NOL10: variants seen among roughly 807,000 people sequenced by gnomAD.
NOL10 encodes H_NH0074G24.1.
A neutral mutation model predicts 103.5 loss-of-function variants in NOL10; 58 were observed. That is an observed-to-expected ratio of 0.56 (90% CI 0.45 to 0.70). The LOEUF is 0.70. Ranked by LOEUF, NOL10 falls within the 30% of genes least tolerant of loss-of-function variation. The probability of loss-of-function intolerance (pLI) is 0.00; values close to 1 mark genes in which losing one functional copy is unlikely to be tolerated. For missense variants in NOL10, 763 were observed against 807.3 expected, an observed-to-expected ratio of 0.95 and a Z score of 0.67; for synonymous variants, 287 against 282.5, an observed-to-expected ratio of 1.02 and a Z score of -0.16.
At chr2:10,581,616 C>T (rs1558266440) in intron 19 of NOL10, among the ~76,000 whole-genome samples, 1 of 152,114 alleles carries the variant, frequency 6.6e-6, no homozygotes, top group Non-Finnish European at 1.5e-5. Context: ...GTTGTGAGGC[C>T]AGAAGTTCAA....
At chr2:10,637,436 C>G (rs1042351574) in intron 13 of NOL10, among the ~76,000 whole-genome samples, 1 of 152,154 alleles carries the variant, frequency 6.6e-6, no homozygotes, top group African/African-American at 2.4e-5. Context: ...TTCTGCAGCA[C>G]CTACTGCCTT....
At chr2:10,680,460 GAA>G (rs2148360883) in intron 3 of NOL10, among the ~76,000 whole-genome samples, 1 of 152,250 alleles carries the variant, frequency 6.6e-6, no homozygotes, top group African/African-American at 2.4e-5. Flanking sequence ...TTTCATAAAA[GAA>G]AGTGTCATTT....
chr2:10,689,513 A>C (rs761792466), intron 1 of NOL10, among the ~76,000 whole-genome samples: 1 of 152,186 alleles, frequency 6.6e-6, no homozygotes, highest in African/African-American at 2.4e-5. Flanking sequence ...AAGAGGCCCA[A>C]ATGGTTGCGT....
intron 12 of NOL10, among the ~76,000 whole-genome samples, chr2:10,647,284 A>G (rs1679152073): frequency 6.6e-6 from 1 of 152,204 alleles, no homozygotes; most frequent in Non-Finnish European, 1.5e-5. Flanking sequence ...TGCTCTGGGG[A>G]CTAAAGGACT....
chr2:10,689,912 C>T lies in NOL10; in HGVS notation c.-51G>A. 3 of 1,544,976 alleles carry T rather than the reference C, an allele frequency of 1.9e-6. No individual in the cohort carries two copies. The South Asian group carries it at 3.5e-5, about 18-fold the overall frequency. On this transcript the variant is annotated 5_prime_UTR_variant, in exon 1 of 21. Coordinates refer to ENST00000381685, the MANE Select transcript of NOL10 (RefSeq NM_024894.4). ...CCGGGTCCTTTCCCACCAGCGTGCTCGAGCACCGTAATCCCGGGACCTCCG... is the reference window on the plus strand; with the variant it reads ...CCGGGTCCTTTCCCACCAGCGTGCTTGAGCACCGTAATCCCGGGACCTCCG...
intron 13 of NOL10, among the ~76,000 whole-genome samples, chr2:10,637,213 A>C (rs1184544362): frequency 5.0e-5 from 7 of 138,764 alleles, no homozygotes; most frequent in African/African-American, 1.6e-4. Flanking sequence ...AAAAAAAAAA[A>C]CACACACACA....
chr2:10,667,337 G>C (rs1220203550), intron 7 of NOL10, 59 bp from the exon 8 acceptor site: 3 of 1,199,664 alleles, frequency 2.5e-6, no homozygotes, highest in Non-Finnish European at 3.6e-6. Flanking sequence ...TAGTGGGGAA[G>C]GAATATTAAA....
In NOL10 at chr2:10,651,228, G is replaced by C. The variant is rs534422180; in HGVS notation, c.973+3253C>G. On this transcript the variant is annotated intron_variant, in intron 12 of 20. Transcript: ENST00000381685. Reference sequence around the variant, plus strand: ...TGTCTCTTTGGGCTTCTATATCCTTGGTTACAATGGAAAAACTGAGGCAGC... The same window carrying C: ...TGTCTCTTTGGGCTTCTATATCCTTCGTTACAATGGAAAAACTGAGGCAGC... Among the ~76,000 whole-genome samples the C allele has an allele frequency of 1.8e-4, 28 of 152,136 alleles. No individual in the cohort carries two copies. In the South Asian group the frequency reaches 5.8e-3, roughly 32 times the overall value.
In NOL10 at chr2:10,638,335, A is replaced by C. The variant is rs9710879; in HGVS notation, c.1026+5985T>G. Among the ~76,000 whole-genome samples, 2 of 119,382 alleles carry C rather than the reference A, an allele frequency of 1.7e-5. 1 individual carries two copies. Among genetic ancestry groups the C allele is most frequent in the South Asian group, 5.0e-4 (2 of 4,000 alleles). The allele number at this position is 119,382 out of a possible 152,430, so 78.3% of individuals were successfully genotyped here. A position where few individuals can be genotyped will look rare whatever the true frequency, so the allele number is the denominator to read the frequency against. On this transcript the variant is annotated intron_variant, in intron 13 of 20. Coordinates refer to ENST00000381685, the MANE Select transcript of NOL10 (RefSeq NM_024894.4). ...GACGTGACGTGACGTGACGTGACGT[A>C]ACGTAACGTAACGTAACGTAACGTA... is the stretch of plus-strand genomic sequence containing the variant.
At position 10,663,746 on chromosome 2, in the gene NOL10, G is replaced by A. The variant is rs376689981; in HGVS notation, c.592-702C>T. 2.1e-3 allele frequency among the ~76,000 whole-genome samples: 322 copies of A among 151,964 alleles called. 2 individuals are homozygous for A. Among genetic ancestry groups the A allele is most frequent in the African/African-American group, 7.5e-3 (310 of 41,444 alleles). On this transcript the variant is annotated intron_variant, in intron 8 of 20. Transcript: ENST00000381685. ...GGGGAGATCACGAGGTCAGGAGATC[G>A]AGACCATCCTGGCTAACACAGTGAA... is the stretch of plus-strand genomic sequence containing the variant.
intron 9 of NOL10, 82 bp from the exon 10 acceptor site, chr2:10,659,332 C>G: frequency 2.7e-6 from 1 of 373,680 alleles, no homozygotes; most frequent in Admixed American, 4.2e-5. Context: ...GTCTTCACTT[C>G]AAATCTAATG....
intron 17 of NOL10, among the ~76,000 whole-genome samples, chr2:10,593,094 A>G (rs1181522947): frequency 1.3e-5 from 2 of 152,050 alleles, no homozygotes; most frequent in African/African-American, 4.8e-5. Flanking sequence ...ACATAGTAAC[A>G]TATATGAAGA....
At chr2:10,578,408 C>A (rs10175884) in intron 19 of NOL10, among the ~76,000 whole-genome samples, 2 of 152,118 alleles carry the variant, frequency 1.3e-5, no homozygotes, top group Non-Finnish European at 2.9e-5. Flanking sequence ...TCTCCAGGTA[C>A]CTTTCCTTTT....
intron 6 of NOL10, among the ~76,000 whole-genome samples, chr2:10,669,487 CACACACACATACACACACACATATAT>C (rs1447596646): frequency 8.0e-6 from 1 of 125,044 alleles, no homozygotes; most frequent in Non-Finnish European, 1.6e-5. Flanking sequence ...TATATACACA[CACACACACATACACACACACATATAT>C]ACACACACAC....
chr2:10,572,005 C>T lies in NOL10; in HGVS notation c.*66G>A. 6.3e-7 allele frequency: 1 copy of T among 1,575,546 alleles called. No individual in the cohort carries two copies. The highest frequency in any genetic ancestry group is 8.7e-7 in the Non-Finnish European group (1 of 1,148,750). ...TGTGTTTCCTCGTCTGTGTTTAACA[C>T]CCTAACGATGATCAGTTTGGGGGAG... On this transcript the variant is annotated 3_prime_UTR_variant, in exon 21 of 21. Coordinates refer to ENST00000381685, the MANE Select transcript of NOL10 (RefSeq NM_024894.4).
At chr2:10,663,610 G>A (rs1309011764) in intron 8 of NOL10, among the ~76,000 whole-genome samples, 1 of 151,994 alleles carries the variant, frequency 6.6e-6, no homozygotes, top group African/African-American at 2.4e-5. Flanking sequence ...TTACAAAGAT[G>A]TGAACTTTTT....
At chr2:10,684,634 T>C in intron 1 of NOL10, 22 bp from the exon 2 acceptor site, 3 of 1,544,214 alleles carry the variant, frequency 1.9e-6, no homozygotes, top group Non-Finnish European at 2.6e-6. Flanking sequence ...TGAAGAGAGT[T>C]TATTTTAAAA....
At chr2:10,669,012 T>A (rs1233023095) in intron 6 of NOL10, among the ~76,000 whole-genome samples, 1 of 152,064 alleles carries the variant, frequency 6.6e-6, no homozygotes, top group African/African-American at 2.4e-5. Flanking sequence ...TATCTACATA[T>A]GTATATAAGA....
intron 13 of NOL10, among the ~76,000 whole-genome samples, chr2:10,622,975 C>T (rs752356085): frequency 5.3e-5 from 8 of 152,208 alleles, no homozygotes; most frequent in Middle Eastern, 6.8e-3. Context: ...CACTCCCCCA[C>T]GAATCACCGC....
Sources: allele counts gnomAD v4.1 joint callset (sites outside exome capture counted in the v4.1 genomes callset), GRCh38; gene constraint gnomAD v4.1.1; transcripts MANE v1.5; gene names NCBI Gene and HGNC (gene_info 2026-07-23, HGNC 2026-07-21).